Variants in TMEM132D observed in about 807,000 individuals in gnomAD.
TMEM132D encodes transmembrane protein 132D.
In TMEM132D, 21 loss-of-function variants were observed where a neutral mutation model predicts 62.3. That is an observed-to-expected ratio of 0.34 (90% CI 0.24 to 0.49). TMEM132D has a LOEUF of 0.49. Ranked by LOEUF, TMEM132D falls within the 20% of genes least tolerant of loss-of-function variation. The pLI is 0.99. For synonymous variants in TMEM132D, 621 were observed against 575.6 expected (o/e 1.08, Z -1.13); for missense variants, 1,346 against 1,402.8 (o/e 0.96, Z 0.65).
chr12:129,746,828 A>G (rs1012039319), intron 1 of TMEM132D, among the ~76,000 whole-genome samples: 5 of 152,006 alleles, frequency 3.3e-5, no homozygotes, highest in Non-Finnish European at 5.9e-5. Context: ...TCCCCGACTC[A>G]GCAGACAGCA....
intron 7 of TMEM132D, among the ~76,000 whole-genome samples, chr12:129,079,551 C>T (rs1022020732): frequency 6.6e-6 from 1 of 152,174 alleles, no homozygotes; most frequent in Non-Finnish European, 1.5e-5. Context: ...CTCACAGCCC[C>T]GTATAACAAC....
chr12:129,789,917 C>T (rs1485613048), intron 1 of TMEM132D, among the ~76,000 whole-genome samples: 1 of 152,166 alleles, frequency 6.6e-6, no homozygotes, highest in Non-Finnish European at 1.5e-5. Context: ...TGTCTGAAAT[C>T]CATAAATTAG....
intron 3 of TMEM132D, among the ~76,000 whole-genome samples, chr12:129,404,444 G>C (rs531087573): frequency 6.6e-6 from 1 of 152,162 alleles, no homozygotes; most frequent in African/African-American, 2.4e-5. Context: ...TGATTCACCC[G>C]CCTCAGCCTC....
intron 1 of TMEM132D, among the ~76,000 whole-genome samples, chr12:129,890,267 G>A (rs1427936460): frequency 6.6e-6 from 1 of 152,228 alleles, no homozygotes; most frequent in African/African-American, 2.4e-5. Flanking sequence ...TGAGTGACAT[G>A]AGGCCATGGT....
At chr12:129,808,764 G>A (rs7139239) in intron 1 of TMEM132D, among the ~76,000 whole-genome samples, 14,197 of 151,302 alleles carry the variant, frequency 0.094, 694 homozygotes, top group Non-Finnish European at 0.11. Flanking sequence ...AAGGCGGGAA[G>A]GAAGGAAGCC....
chr12:129,722,746 T>TC (rs1868886696), intron 1 of TMEM132D, among the ~76,000 whole-genome samples: 1 of 148,046 alleles, frequency 6.8e-6, no homozygotes, highest in African/African-American at 2.5e-5. Context: ...TTTTTTCTTT[T>TC]TTTTTTTTTT....
At chr12:129,687,591 C>T (rs1880963175) in intron 2 of TMEM132D, among the ~76,000 whole-genome samples, 1 of 151,910 alleles carries the variant, frequency 6.6e-6, no homozygotes, top group South Asian at 2.1e-4. Flanking sequence ...TTAAGCTTGC[C>T]CAGAGGACAT....
intron 5 of TMEM132D, among the ~76,000 whole-genome samples, chr12:129,179,100 T>C (rs1342414137): frequency 6.6e-6 from 1 of 152,002 alleles, no homozygotes; most frequent in African/African-American, 2.4e-5. Context: ...AACAGATGAG[T>C]GAGCCCAGAG....
intron 4 of TMEM132D, among the ~76,000 whole-genome samples, chr12:129,272,519 CTTTAT>C (rs2135601707): frequency 6.6e-6 from 1 of 151,802 alleles, no homozygotes; most frequent in Non-Finnish European, 1.5e-5. Flanking sequence ...TGGGGTATTT[CTTTAT>C]TTTGTGAAAC....
At chr12:129,630,398 C>T (rs1879321680) in intron 2 of TMEM132D, among the ~76,000 whole-genome samples, 1 of 151,856 alleles carries the variant, frequency 6.6e-6, no homozygotes, top group African/African-American at 2.4e-5. Flanking sequence ...AGTATTAAGG[C>T]TGAAAATGGC....
rs1240899158 is a variant in TMEM132D at position 129,074,547 on chromosome 12, G to C, written c.2628C>G (p.Ser876Arg). 1 of 1,613,932 alleles carries C rather than the reference G, an allele frequency of 6.2e-7. No homozygotes were observed. Among genetic ancestry groups the C allele is most frequent in the Non-Finnish European group, 8.5e-7 (1 of 1,180,026 alleles). ...GGTCGCTGGGGATGGTCTGCAAGTG[G>C]CTGTTGTCATCTAAAAGGCTTTCCT... ...KGQESLLDDNSHLQTIPSDLT... is the reference protein window; with the variant it reads ...KGQESLLDDNRHLQTIPSDLT... Residue 876 changes from serine (S) to arginine (R), a missense_variant, in exon 9 of 9, where the codon AGC becomes AGG. Coordinates refer to ENST00000422113, the MANE Select transcript of TMEM132D (RefSeq NM_133448.3).
At chr12:129,494,468 CAATTT>C (rs1874889413) in intron 3 of TMEM132D, among the ~76,000 whole-genome samples, 1 of 152,112 alleles carries the variant, frequency 6.6e-6, no homozygotes, top group South Asian at 2.1e-4. Flanking sequence ...CTCATGCATC[CAATTT>C]TCTTAACATT....
chr12:129,408,440 C>CTTT (rs34261219), intron 3 of TMEM132D, among the ~76,000 whole-genome samples: 11 of 143,706 alleles, frequency 7.7e-5, no homozygotes, highest in Non-Finnish European at 1.5e-4. Context: ...TTGATAGTAG[C>CTTT]TTTTTTTTTT....
intron 4 of TMEM132D, among the ~76,000 whole-genome samples, chr12:129,305,424 T>G (rs1465541610): frequency 6.6e-6 from 1 of 152,202 alleles, no homozygotes; most frequent in African/African-American, 2.4e-5. Flanking sequence ...AAGGACCTCA[T>G]GCCACCTGCA....
chr12:129,880,334 A>G (rs1290571577), intron 1 of TMEM132D, among the ~76,000 whole-genome samples: 1 of 152,256 alleles, frequency 6.6e-6, no homozygotes. Flanking sequence ...ATGCATAACC[A>G]TCAGACTTCT....
intron 2 of TMEM132D, among the ~76,000 whole-genome samples, chr12:129,598,524 C>T (rs982560108): frequency 1.3e-5 from 2 of 152,098 alleles, no homozygotes; most frequent in Non-Finnish European, 2.9e-5. Flanking sequence ...GCTTCTAAGT[C>T]TTTACCGGCA....
intron 1 of TMEM132D, among the ~76,000 whole-genome samples, chr12:129,896,585 T>C (rs60803069): frequency 0.019 from 2,960 of 152,304 alleles, 95 homozygotes; most frequent in African/African-American, 0.067. Context: ...TTAGTGAATC[T>C]GCAGAGGGAG....
chr12:129,720,748 G>A (rs1407665248), intron 1 of TMEM132D, among the ~76,000 whole-genome samples: 1 of 152,136 alleles, frequency 6.6e-6, no homozygotes, highest in Non-Finnish European at 1.5e-5. Context: ...ACAAAGCACT[G>A]TGATGCTTTC....
In TMEM132D at chr12:129,257,795, A is replaced by G. The variant is rs183799798; in HGVS notation, c.1300-48132T>C. On this transcript the variant is annotated intron_variant, in intron 4 of 8. Coordinates refer to ENST00000422113, the MANE Select transcript of TMEM132D (RefSeq NM_133448.3). The stretch of plus-strand genomic sequence containing the variant: ...AGCTTGACCTACAGAAGGCATCCCA[A>G]TACCACGTGGGGAGATGCTGTCTGG... 1.8e-4 allele frequency among the ~76,000 whole-genome samples: 28 copies of G among 152,306 alleles called. 1 individual carries two copies. The East Asian group carries it at 2.5e-3, about 14-fold the overall frequency.
Sources: allele counts gnomAD v4.1 joint callset (sites outside exome capture counted in the v4.1 genomes callset), GRCh38; gene constraint gnomAD v4.1.1; transcripts MANE v1.5; gene names NCBI Gene and HGNC (gene_info 2026-07-23, HGNC 2026-07-21).